The following SUPT3H variants were observed in gnomAD, a reference collection of about 807,000 sequenced individuals.
SUPT3H encodes the protein transcription initiation protein SPT3 homolog.
In SUPT3H, 44 loss-of-function variants were observed where a neutral mutation model predicts 44.3. The ratio of observed to expected loss-of-function variants is 0.99; its 90% CI spans 0.78 to 1.28. SUPT3H has a LOEUF of 1.28. SUPT3H is among the 50% of genes most tolerant of loss of function. The pLI, the probability that SUPT3H is intolerant of heterozygous loss-of-function variation, is 0.00. For synonymous variants in SUPT3H, 124 were observed against 125.6 expected, an observed-to-expected ratio of 0.99 and a Z score of 0.09; for missense variants, 380 against 387.1, an observed-to-expected ratio of 0.98 and a Z score of 0.15.
intron 3 of SUPT3H, among the ~76,000 whole-genome samples, chr6:45,058,784 T>C (rs1443296473): frequency 2.6e-5 from 4 of 152,176 alleles, no homozygotes; most frequent in Admixed American, 2.0e-4. Context: ...TACTAGTCTA[T>C]GAAGTTGCTC....
chr6:44,896,037 C>A lies in SUPT3H; in HGVS notation c.912+36616G>T, dbSNP rs114608074. The stretch of plus-strand genomic sequence containing the variant: ...CATTCAGAGGCCTGGGGACAAACAA[C>A]ATTACAACTTCTCATTCCATGCTTT... On this transcript the variant is annotated intron_variant, in intron 10 of 10. Coordinates refer to ENST00000371459, the MANE Select transcript of SUPT3H (RefSeq NM_003599.4). Among the ~76,000 whole-genome samples, 404 of 152,188 alleles carry A rather than the reference C, an allele frequency of 2.7e-3. 4 individuals carry two copies. Among genetic ancestry groups the A allele is most frequent in the Middle Eastern group, 0.01 (3 of 294 alleles).
At chr6:45,195,605 T>A (rs1415083523) in intron 2 of SUPT3H, among the ~76,000 whole-genome samples, 1 of 152,194 alleles carries the variant, frequency 6.6e-6, no homozygotes, top group African/African-American at 2.4e-5. Flanking sequence ...TTAAGGTTAT[T>A]ATTTTGATTG....
intron 2 of SUPT3H, among the ~76,000 whole-genome samples, chr6:45,291,565 A>C (rs1780322106): frequency 6.6e-6 from 1 of 152,226 alleles, no homozygotes; most frequent in African/African-American, 2.4e-5. Flanking sequence ...CACGAAGTGA[A>C]GGAAGAAATA....
intron 10 of SUPT3H, among the ~76,000 whole-genome samples, chr6:44,846,985 T>C (rs1463026417): frequency 6.6e-6 from 1 of 152,232 alleles, no homozygotes; most frequent in Non-Finnish European, 1.5e-5. Flanking sequence ...GATGGAGTTT[T>C]TAAGGCTTAC....
chr6:44,890,615 G>T (rs1763125946), intron 10 of SUPT3H, among the ~76,000 whole-genome samples: 1 of 132,840 alleles, frequency 7.5e-6, no homozygotes, highest in African/African-American at 2.8e-5. Context: ...GTTGTGGGGT[G>T]GGGGAGGGGG....
intron 2 of SUPT3H, among the ~76,000 whole-genome samples, chr6:45,184,030 G>A (rs1813740382): frequency 1.3e-5 from 2 of 152,106 alleles, no homozygotes; most frequent in African/African-American, 2.4e-5. Context: ...TCATACATTT[G>A]TCAGAACATA....
chr6:45,091,529 T>C (rs1029634077), intron 3 of SUPT3H, among the ~76,000 whole-genome samples: 6 of 151,944 alleles, frequency 3.9e-5, no homozygotes. Context: ...AGAGAAGAAA[T>C]GGTTTGAATT....
chr6:44,839,914 A>G (rs981528062), intron 10 of SUPT3H, among the ~76,000 whole-genome samples: 1 of 151,882 alleles, frequency 6.6e-6, no homozygotes. Context: ...GTTAGCCAGG[A>G]TGGTCTCGAT....
At chr6:45,158,298 A>ATATATATATATATATATATATTTTT in intron 2 of SUPT3H, among the ~76,000 whole-genome samples, 4 of 99,688 alleles carry the variant, frequency 4.0e-5, no homozygotes, top group African/African-American at 2.0e-4. Flanking sequence ...ATATATATAT[A>ATATATATATATATATATATATTTTT]TTTTTTTTTT....
At position 44,990,868 on chromosome 6, in the gene SUPT3H, T is replaced by G. The variant is rs370122477; in HGVS notation, c.504+12785A>C. ...AGAACAATGATTTAAAATAAATTTA[T>G]TATTTTAATAAACAAGTTATTTATT... On this transcript the variant is annotated intron_variant, in intron 6 of 10. Coordinates refer to ENST00000371459, the MANE Select transcript of SUPT3H (RefSeq NM_003599.4). 2.5e-4 allele frequency among the ~76,000 whole-genome samples: 37 copies of G among 145,920 alleles called. 1 individual carries two copies. The highest frequency in any genetic ancestry group is 8.2e-4 in the African/African-American group (33 of 40,026).
chr6:44,824,669 C>T (rs558894455), downstream of SUPT3H, among the ~76,000 whole-genome samples: 3 of 152,202 alleles, frequency 2.0e-5, no homozygotes, highest in South Asian at 6.2e-4. Context: ...TTTTGGGAGG[C>T]CAAGGTGGGA....
downstream of SUPT3H, among the ~76,000 whole-genome samples, chr6:44,824,156 T>C (rs1767568677): frequency 6.6e-6 from 1 of 152,198 alleles, no homozygotes; most frequent in Non-Finnish European, 1.5e-5. Flanking sequence ...TAACAGACTG[T>C]CTAAAGCCAT....
intron 7 of SUPT3H, among the ~76,000 whole-genome samples, chr6:44,959,915 T>A (rs1269753608): frequency 1.3e-5 from 2 of 152,176 alleles, no homozygotes; most frequent in Admixed American, 6.5e-5. Flanking sequence ...CTTCTGAATT[T>A]GCTGACCCAC....
At chr6:45,089,925 C>T (rs1796930846) in intron 3 of SUPT3H, among the ~76,000 whole-genome samples, 1 of 152,046 alleles carries the variant, frequency 6.6e-6, no homozygotes, top group Non-Finnish European at 1.5e-5. Flanking sequence ...ATACAAATTA[C>T]TCAGTTTGAA....
chr6:44,966,891 C>G (rs1776855892), intron 6 of SUPT3H, among the ~76,000 whole-genome samples: 1 of 152,156 alleles, frequency 6.6e-6, no homozygotes, highest in South Asian at 2.1e-4. Context: ...TCTCAAATTA[C>G]ACAATGCTCT....
At chr6:45,272,910 C>T (rs536343542) in intron 2 of SUPT3H, among the ~76,000 whole-genome samples, 10 of 152,348 alleles carry the variant, frequency 6.6e-5, no homozygotes, top group African/African-American at 2.2e-4. Context: ...TTTGCTTTGC[C>T]TGGACCACTT....
chr6:45,355,541 A>C (rs925758179), intron 2 of SUPT3H, among the ~76,000 whole-genome samples: 1 of 152,100 alleles, frequency 6.6e-6, no homozygotes, highest in African/African-American at 2.4e-5. Flanking sequence ...CTCCAAACCT[A>C]GTCTTCTCCA....
At chr6:44,918,854 GT>G (rs1454752105) in intron 10 of SUPT3H, among the ~76,000 whole-genome samples, 1 of 152,192 alleles carries the variant, frequency 6.6e-6, no homozygotes, top group East Asian at 1.9e-4. Context: ...CCAGATGCGG[GT>G]GTACAAAAAC....
chr6:45,280,759 A>G (rs4323299), intron 2 of SUPT3H, among the ~76,000 whole-genome samples: 149,158 of 152,266 alleles, frequency 0.98, 73,068 homozygotes, highest in Middle Eastern at 1. Context: ...AGTGGTAACC[A>G]TGGGATAAAA....
Sources: gnomAD v4.1 joint callset for allele counts (sites outside exome capture counted in the v4.1 genomes callset) on GRCh38, gnomAD v4.1.1 for gene constraint, MANE v1.5 for transcripts, NCBI Gene and HGNC (gene_info 2026-07-23, HGNC 2026-07-21) for gene names.